The following FBXO21 variants were observed in gnomAD, a reference collection of about 807,000 sequenced individuals.
The protein encoded by FBXO21 is F-box protein 21, also known as F-box only protein 21.
Under a neutral mutation model 76.6 loss-of-function variants are expected in FBXO21, and 32 were observed. The ratio of observed to expected loss-of-function variants is 0.42; its 90% CI spans 0.32 to 0.56. FBXO21 has a LOEUF of 0.56. Among genes scored for constraint, FBXO21 ranks in the 20% least tolerant of loss-of-function variants. The pLI is 0.16. For synonymous variants in FBXO21, 328 were observed against 311.5 expected (o/e 1.05, Z -0.56); for missense variants, 586 against 797.3 (o/e 0.73, Z 3.19).
chr12:117,155,574 G>A (rs977771984), intron 11 of FBXO21: 9 of 604,304 alleles, frequency 1.5e-5, no homozygotes, highest in African/African-American at 9.3e-5. Context: ...GAGGCCCTGG[G>A]GGAGGGCGGG....
chr12:117,186,610 G>A (rs746922027), intron 2 of FBXO21, 39 bp from the exon 3 acceptor site: 1 of 1,288,826 alleles, frequency 7.8e-7, no homozygotes, highest in African/African-American at 1.5e-5. Context: ...TCAATTATGA[G>A]TATTGATGCA....
At chr12:117,146,495 C>T (rs1003969670) in intron 11 of FBXO21, among the ~76,000 whole-genome samples, 4 of 152,152 alleles carry the variant, frequency 2.6e-5, no homozygotes, top group African/African-American at 9.7e-5. Context: ...CAAGAGCTCC[C>T]CACGGAACAG....
At chr12:117,148,171 A>AG (rs895953095) in intron 11 of FBXO21, among the ~76,000 whole-genome samples, 3 of 94,318 alleles carry the variant, frequency 3.2e-5, no homozygotes, top group Non-Finnish European at 5.8e-5. Context: ...GGTTCTTTTT[A>AG]AACATAAAAC....
chr12:117,150,100 T>A (rs1306956460), intron 11 of FBXO21, among the ~76,000 whole-genome samples: 1 of 152,176 alleles, frequency 6.6e-6, no homozygotes, highest in Non-Finnish European at 1.5e-5. Context: ...ATAATGAAGT[T>A]GGCAACTATG....
rs764857654 is a variant in FBXO21, at chr12:117,154,979, AATG to A, written c.1675+809_1675+811del. On this transcript the variant is annotated intron_variant, in intron 11 of 11. Transcript: ENST00000622495. ...TGTGCCTCAGTTTCCTCACCTAGAA[AATG>A]ATGATGATGATGTTTCTCAAATGGA... The A allele has an allele frequency of 1.1e-3, 175 of 152,356 alleles. 1 individual carries two copies. Among genetic ancestry groups the A allele is most frequent in the Non-Finnish European group, 5.7e-4 (39 of 68,046 alleles). The allele number at this position is 152,356 out of a possible 1,614,324, so 9.4% of individuals were successfully genotyped here.
rs1451662594 is a variant in FBXO21 at position 117,172,530 on chromosome 12, T to C, written c.954A>G (p.Pro318=). 3 of 1,613,996 alleles carry C rather than the reference T, an allele frequency of 1.9e-6. No homozygotes were observed. Among genetic ancestry groups the C allele is most frequent in the Admixed American group, 1.7e-5 (1 of 59,994 alleles). The change falls in exon 7 of 12, where the codon CCA becomes CCG. Residue 318 remains proline (P), a synonymous_variant. Transcript: ENST00000622495. ...YLTIARQLGV[P]LEPVNFPSHF... ...GACTTGGGAAGTTGACAGGCTCCAGTGGGACTCCCAACTGCCGAGCAATTG... is the reference window on the plus strand; with the variant it reads ...GACTTGGGAAGTTGACAGGCTCCAGCGGGACTCCCAACTGCCGAGCAATTG...
At chr12:117,188,254 C>A (rs927310519) in intron 2 of FBXO21, among the ~76,000 whole-genome samples, 1 of 152,112 alleles carries the variant, frequency 6.6e-6, no homozygotes, top group African/African-American at 2.4e-5. Context: ...GATACAGAAA[C>A]TTCCGTGAGG....
chr12:117,152,535 GAAA>G (rs144311427), intron 11 of FBXO21, among the ~76,000 whole-genome samples: 1 of 150,604 alleles, frequency 6.6e-6, no homozygotes, highest in Non-Finnish European at 1.5e-5. Context: ...AAAAAGGGGG[GAAA>G]AAAAATGAAG....
rs1013377976 is a variant in FBXO21 at position 117,190,446 on chromosome 12, G to A, written c.11C>T (p.Ala4Val). The change falls in exon 1 of 12, where the codon GCA (alanine) becomes GTA (valine). Residue 4 changes from alanine (A) to valine (V), a missense_variant. Transcript: ENST00000622495. MAA[A>V]AVDSAMEVVP... Reference sequence around the variant, plus strand: ...CACCTCCATCGCGCTGTCGACTGCTGCCGCCGCCATCTTGTCCGCGTACCT... The same window carrying A: ...CACCTCCATCGCGCTGTCGACTGCTACCGCCGCCATCTTGTCCGCGTACCT... The A allele has an allele frequency of 3.7e-6, 5 of 1,369,062 alleles. No individual in the cohort carries two copies. The highest frequency in any genetic ancestry group is 2.1e-4 in the Middle Eastern group (1 of 4,812). The allele number at this position is 1,369,062 out of a possible 1,614,324, so 84.8% of individuals were successfully genotyped here.
intron 7 of FBXO21, among the ~76,000 whole-genome samples, chr12:117,172,016 T>C (rs1426059277): frequency 6.6e-6 from 1 of 152,162 alleles, no homozygotes; most frequent in Non-Finnish European, 1.5e-5. Context: ...TTTCCCTCCC[T>C]TCCTCTCTTC....
intron 3 of FBXO21, among the ~76,000 whole-genome samples, chr12:117,183,242 T>C (rs946461432): frequency 6.7e-6 from 1 of 149,926 alleles, no homozygotes; most frequent in African/African-American, 2.5e-5. Flanking sequence ...CAGTATCTCA[T>C]TGCTGTTTAA....
At chr12:117,169,917 G>C (rs1256165406) in intron 7 of FBXO21, among the ~76,000 whole-genome samples, 1 of 152,014 alleles carries the variant, frequency 6.6e-6, no homozygotes. Flanking sequence ...AGTAATGCAA[G>C]AGAAAGAAAC....
intron 11 of FBXO21, among the ~76,000 whole-genome samples, chr12:117,152,863 G>A (rs1258037088): frequency 6.6e-6 from 1 of 152,142 alleles, no homozygotes; most frequent in Non-Finnish European, 1.5e-5. Flanking sequence ...ATCATTTACT[G>A]TTGAATTGAC....
chr12:117,185,696 C>T (rs551859345), intron 3 of FBXO21, among the ~76,000 whole-genome samples: 1 of 152,226 alleles, frequency 6.6e-6, no homozygotes, highest in South Asian at 2.1e-4. Context: ...CTACAGTGTT[C>T]AAAGAACAAA....
chr12:117,150,954 G>GTT lies in FBXO21; in HGVS notation c.1676-4679_1676-4678dup, dbSNP rs202204898. On this transcript the variant is annotated intron_variant, in intron 11 of 11. Coordinates refer to ENST00000622495, the MANE Select transcript of FBXO21 (RefSeq NM_015002.3). ...AGTTGAGTTTGGAAGTATCAAATAA[G>GTT]TTTGTGTGTGTGTGTGTGTGTGTGT... is the stretch of plus-strand genomic sequence containing the variant. Among the ~76,000 whole-genome samples, 182 of 65,668 alleles carry GTT rather than the reference G, an allele frequency of 2.8e-3. 3 individuals are homozygous for GTT. The highest frequency in any genetic ancestry group is 3.8e-3 in the Non-Finnish European group (138 of 36,544). The allele number at this position is 65,668 out of a possible 152,430, so 43.1% of individuals were successfully genotyped here.
rs1434496122 is a variant in FBXO21 at position 117,190,441 on chromosome 12, C to T, written c.16G>A (p.Val6Ile). MAAAA[V>I]DSAMEVVPAL... ...GGCACCACCTCCATCGCGCTGTCGA[C>T]TGCTGCCGCCGCCATCTTGTCCGCG... The change falls in exon 1 of 12, where the codon GTC becomes ATC. Residue 6 changes from valine to isoleucine, a missense_variant. Coordinates refer to ENST00000622495, the MANE Select transcript of FBXO21 (RefSeq NM_015002.3). 2 of 1,384,174 alleles carry T rather than the reference C, an allele frequency of 1.4e-6. No homozygotes were observed. The highest frequency in any genetic ancestry group is 1.9e-6 in the Non-Finnish European group (2 of 1,037,374). The allele number at this position is 1,384,174 out of a possible 1,614,324, so 85.7% of individuals were successfully genotyped here.
In FBXO21 at chr12:117,190,391, C is replaced by T. The variant is rs1956335483; in HGVS notation, c.66G>A (p.Pro22=). Residue 22 remains proline (P), a synonymous_variant, in exon 1 of 12, where the codon CCG becomes CCA. Coordinates refer to ENST00000622495, the MANE Select transcript of FBXO21 (RefSeq NM_015002.3). ...CGAGGCAGCTGAGGCCCGCTACCTC[C>T]GGCGCGGCCTCCTCCGCCAGCGCCG... is the stretch of plus-strand genomic sequence containing the variant. ...VVPALAEEAA[P]EVAGLSCLVN... 2 of 1,501,586 alleles carry T rather than the reference C, an allele frequency of 1.3e-6. No homozygotes were observed. The highest frequency in any genetic ancestry group is 2.8e-5 in the East Asian group (1 of 35,280). The allele number at this position is 1,501,586 out of a possible 1,614,324, so 93.0% of individuals were successfully genotyped here. A position where few individuals can be genotyped will look rare whatever the true frequency, so the allele number is the denominator to read the frequency against.
At chr12:117,155,564 G>A (rs1344402769) in intron 11 of FBXO21, 1 of 595,622 alleles carries the variant, frequency 1.7e-6, no homozygotes, top group Non-Finnish European at 3.0e-6. Context: ...TGTGGGAGCG[G>A]AGGCCCTGGG....
intron 9 of FBXO21, among the ~76,000 whole-genome samples, 199 bp downstream of exon 9, chr12:117,165,286 G>T (rs1956040838): frequency 6.6e-6 from 1 of 152,074 alleles, no homozygotes; most frequent in African/African-American, 2.4e-5. Flanking sequence ...AAAGAGAACA[G>T]GCAATTCCTG....
Sources: allele counts gnomAD v4.1 joint callset (sites outside exome capture counted in the v4.1 genomes callset), GRCh38; gene constraint gnomAD v4.1.1; transcripts MANE v1.5; gene names NCBI Gene and HGNC (gene_info 2026-07-23, HGNC 2026-07-21).